The following DTNA variants were observed in gnomAD, a reference collection of about 807,000 sequenced individuals.
DTNA encodes dystrobrevin alpha, also known as dystrophin-related protein 3.
DTNA carries 43 observed loss-of-function variants against 100.7 expected under a neutral mutation model. The ratio of observed to expected loss-of-function variants is 0.43; its 90% CI spans 0.33 to 0.55. DTNA has a LOEUF of 0.55. DTNA is among the 20% of genes least tolerant of loss of function. The pLI is 0.04. For synonymous variants in DTNA, 349 were observed against 347.9 expected (o/e 1.00, Z -0.04); for missense variants, 798 against 953.9 (o/e 0.84, Z 2.15).
chr18:34,832,786 C>T (rs2096046901), intron 11 of DTNA, among the ~76,000 whole-genome samples: 1 of 151,984 alleles, frequency 6.6e-6, no homozygotes, highest in African/African-American at 2.4e-5. Flanking sequence ...AAAAAAGAAA[C>T]AATGTTTCAA....
intron 17 of DTNA, among the ~76,000 whole-genome samples, chr18:34,873,420 G>T (rs1023417181): frequency 6.6e-6 from 1 of 152,228 alleles, no homozygotes; most frequent in Non-Finnish European, 1.5e-5. Flanking sequence ...CTTAAAAAGG[G>T]TGTACAAGAG....
intron 1 of DTNA, among the ~76,000 whole-genome samples, chr18:34,550,032 A>G (rs2045233737): frequency 1.3e-5 from 2 of 152,140 alleles, no homozygotes. Context: ...GTTTGAAATC[A>G]TACTCTCTGC....
At chr18:34,746,019 T>A (rs1319809268) in intron 1 of DTNA, among the ~76,000 whole-genome samples, 1 of 152,118 alleles carries the variant, frequency 6.6e-6, no homozygotes, top group South Asian at 2.1e-4. Context: ...CTTGAAAAAA[T>A]TTTGGAATTA....
At chr18:34,794,675 A>G (rs554459241) in intron 4 of DTNA, among the ~76,000 whole-genome samples, 1 of 152,298 alleles carries the variant, frequency 6.6e-6, no homozygotes, top group South Asian at 2.1e-4. Flanking sequence ...AAAGAAATTG[A>G]AAAGGGTTTC....
chr18:34,673,690 C>T (rs530502070), intron 1 of DTNA, among the ~76,000 whole-genome samples: 4 of 152,228 alleles, frequency 2.6e-5, no homozygotes, highest in East Asian at 1.9e-4. Flanking sequence ...AGCAGGTCTT[C>T]GGCTTTGTGG....
intron 1 of DTNA, among the ~76,000 whole-genome samples, chr18:34,609,808 T>G (rs2053879210): frequency 6.6e-6 from 1 of 152,222 alleles, no homozygotes; most frequent in African/African-American, 2.4e-5. Flanking sequence ...GAATTAACAT[T>G]ACTTTGCACT....
chr18:34,882,189 T>C lies in DTNA; in HGVS notation c.2283T>C (p.Asp761=), dbSNP rs187028045. Reference sequence around the variant, plus strand: ...AATACCTGAAACAGAAGCTGCAAGATGAAGCTTATCAGGTACAGGGATCCA... The same window carrying C: ...AATACCTGAAACAGAAGCTGCAAGACGAAGCTTATCAGGTACAGGGATCCA... ...MEEYLKQKLQ[D]EAYQVSLQG is the part of the protein sequence containing the mutation. The change falls in exon 21 of 23, where the codon GAT becomes GAC. Residue 761 remains aspartate, a synonymous_variant. Coordinates refer to ENST00000444659, the MANE Select transcript of DTNA (RefSeq NM_001386795.1). The C allele has an allele frequency of 3.5e-5, 56 of 1,613,932 alleles. 1 individual carries two copies. The Admixed American group carries it at 6.7e-4, about 19-fold the overall frequency.
intron 1 of DTNA, among the ~76,000 whole-genome samples, chr18:34,626,226 C>CG (rs2057307118): frequency 6.6e-6 from 1 of 152,116 alleles, no homozygotes; most frequent in Non-Finnish European, 1.5e-5. Context: ...CCCTAACACT[C>CG]GTGAAAGTGT....
At chr18:34,632,980 TAGAG>T (rs911396687) in intron 1 of DTNA, among the ~76,000 whole-genome samples, 14 of 146,668 alleles carry the variant, frequency 9.5e-5, no homozygotes, top group African/African-American at 3.6e-4. Context: ...AACTGAGACA[TAGAG>T]AGGATTAAAA....
At chr18:34,579,233 G>A (rs1011202643) in intron 1 of DTNA, among the ~76,000 whole-genome samples, 20 of 152,150 alleles carry the variant, frequency 1.3e-4, no homozygotes, top group South Asian at 4.2e-4. Flanking sequence ...TATAGGTAAC[G>A]ACACAAAATG....
chr18:34,829,130 G>A, intron 10 of DTNA: 1 of 1,613,912 alleles, frequency 6.2e-7, no homozygotes, highest in South Asian at 1.1e-5. Flanking sequence ...AGCTGTTCTG[G>A]TTCCTCCAGG....
At chr18:34,500,847 A>G (rs1471857129) in intron 1 of DTNA, among the ~76,000 whole-genome samples, 1 of 152,202 alleles carries the variant, frequency 6.6e-6, no homozygotes, top group African/African-American at 2.4e-5. Flanking sequence ...TCAATGTGAC[A>G]TGTTAAATCA....
intron 1 of DTNA, among the ~76,000 whole-genome samples, chr18:34,656,847 G>A (rs977386991): frequency 1.3e-5 from 2 of 152,070 alleles, no homozygotes; most frequent in Middle Eastern, 3.4e-3. Context: ...TCTATTTTAC[G>A]TAATCTTTTT....
At chr18:34,873,934 G>T (rs1450371491) in intron 17 of DTNA, among the ~76,000 whole-genome samples, 2 of 152,178 alleles carry the variant, frequency 1.3e-5, no homozygotes, top group East Asian at 1.9e-4. Flanking sequence ...CCATTACAAG[G>T]TACTGTTGAG....
intron 1 of DTNA, among the ~76,000 whole-genome samples, chr18:34,604,621 C>G (rs1478388439): frequency 6.6e-6 from 1 of 152,128 alleles, no homozygotes; most frequent in Non-Finnish European, 1.5e-5. Context: ...TGCCTAGCAC[C>G]TAGAACATTT....
intron 1 of DTNA, among the ~76,000 whole-genome samples, chr18:34,666,235 C>T (rs1390079269): frequency 6.6e-6 from 1 of 151,466 alleles, no homozygotes; most frequent in Non-Finnish European, 1.5e-5. Flanking sequence ...GAGAAGTGTC[C>T]TTTCATATCC....
At chr18:34,497,094 A>G (rs1218117181) in intron 1 of DTNA, among the ~76,000 whole-genome samples, 1 of 152,218 alleles carries the variant, frequency 6.6e-6, no homozygotes. Context: ...AATGTAATAT[A>G]GTCATTTTCT....
intron 1 of DTNA, chr18:34,683,623 A>C (rs776230971): frequency 5.9e-5 from 9 of 152,174 alleles, no homozygotes; most frequent in Non-Finnish European, 8.8e-5. Flanking sequence ...GAATCCTTTC[A>C]GACAATGCGC....
chr18:34,567,023 G>A (rs2047146627), intron 1 of DTNA, among the ~76,000 whole-genome samples: 1 of 152,100 alleles, frequency 6.6e-6, no homozygotes, highest in African/African-American at 2.4e-5. Flanking sequence ...TCATTCCATG[G>A]TATGTCGTCA....
Sources: allele counts gnomAD v4.1 joint callset (sites outside exome capture counted in the v4.1 genomes callset), GRCh38; gene constraint gnomAD v4.1.1; transcripts MANE v1.5; gene names NCBI Gene and HGNC (gene_info 2026-07-23, HGNC 2026-07-21).